Variants in PTPRN2 observed in about 807,000 individuals in gnomAD.
The protein encoded by PTPRN2 is receptor-type tyrosine-protein phosphatase N2.
In PTPRN2, 74 loss-of-function variants were observed where a neutral mutation model predicts 118.8. The observed-to-expected ratio is 0.62, with a 90% CI of 0.52 to 0.76. PTPRN2 has a LOEUF of 0.76. Among genes scored for constraint, PTPRN2 ranks in the 30% least tolerant of loss-of-function variants. The pLI, the probability that PTPRN2 is intolerant of heterozygous loss-of-function variation, is 0.00. For missense variants in PTPRN2, 1,481 were observed against 1,394.4 expected, an observed-to-expected ratio of 1.06 and a Z score of -0.99; for synonymous variants, 641 against 608.0, an observed-to-expected ratio of 1.05 and a Z score of -0.80.
At chr7:158,140,232 G>T (rs114057722) in intron 6 of PTPRN2, among the ~76,000 whole-genome samples, 1 of 152,198 alleles carries the variant, frequency 6.6e-6, no homozygotes, top group Non-Finnish European at 1.5e-5. Context: ...TCCTCACCGC[G>T]TCCAGGAAGT....
rs529134613 is a variant in PTPRN2, at chr7:158,017,292, C to T, written c.1723+64006G>A. Among the ~76,000 whole-genome samples the T allele has an allele frequency of 2.0e-5, 3 of 152,262 alleles. No homozygotes were observed. In the South Asian group the frequency reaches 6.2e-4, roughly 32 times the overall value. On this transcript the variant is annotated intron_variant, in intron 11 of 22. Transcript: ENST00000389418. ...CCAGCTAGGAACATCAAAGAGGCCC[C>T]GCTGGAATCACTAGAGAGAGGCTTC...
chr7:157,584,637 A>G (rs1413808349), intron 17 of PTPRN2, among the ~76,000 whole-genome samples: 1 of 152,230 alleles, frequency 6.6e-6, no homozygotes, highest in African/African-American at 2.4e-5. Context: ...ATTTCTGCTC[A>G]TTTCTGTTGT....
chr7:158,179,328 C>T (rs954396604), intron 5 of PTPRN2, among the ~76,000 whole-genome samples: 1 of 152,016 alleles, frequency 6.6e-6, no homozygotes, highest in African/African-American at 2.4e-5. Flanking sequence ...CTGTTCACGT[C>T]ATTTGTCCAC....
intron 2 of PTPRN2, among the ~76,000 whole-genome samples, chr7:158,489,193 C>T (rs1821250542): frequency 6.6e-6 from 1 of 152,240 alleles, no homozygotes; most frequent in African/African-American, 2.4e-5. Context: ...CGCCTGTAAT[C>T]CCAGCAGTTT....
chr7:158,290,642 C>A (rs2151020702), intron 3 of PTPRN2, among the ~76,000 whole-genome samples: 1 of 152,262 alleles, frequency 6.6e-6, no homozygotes, highest in East Asian at 1.9e-4. Flanking sequence ...GTCTGGTACT[C>A]ACTTCTCTTT....
intron 3 of PTPRN2, among the ~76,000 whole-genome samples, chr7:158,288,203 G>A (rs1220893490): frequency 6.6e-6 from 1 of 152,054 alleles, no homozygotes; most frequent in Non-Finnish European, 1.5e-5. Flanking sequence ...GGAATCTCTT[G>A]TAGGTAGCAT....
rs2116998790 is a variant in PTPRN2 at position 157,548,843 on chromosome 7, G to A, written c.2976+103C>T. ...CCGGTCAGAGCAGAGCAATCGGTGT[G>A]CGGCTCACATTAAACCAGGCCCTCC... On this transcript the variant is annotated intron_variant, in intron 22 of 22. Coordinates refer to ENST00000389418, the MANE Select transcript of PTPRN2 (RefSeq NM_002847.5). 5 of 1,150,664 alleles carry A rather than the reference G, an allele frequency of 4.3e-6. No individual in the cohort carries two copies. In the East Asian group the frequency reaches 1.2e-4, roughly 28 times the overall value. The allele number at this position is 1,150,664 out of a possible 1,614,324, so 71.3% of individuals were successfully genotyped here.
At chr7:158,460,239 T>G (rs1442211747) in intron 2 of PTPRN2, among the ~76,000 whole-genome samples, 8 of 111,758 alleles carry the variant, frequency 7.2e-5, no homozygotes, top group African/African-American at 2.1e-4. Flanking sequence ...CCTGCTACAG[T>G]GCCTGTGTGC....
chr7:157,899,222 CCT>C (rs1797303894), intron 11 of PTPRN2, among the ~76,000 whole-genome samples: 1 of 152,110 alleles, frequency 6.6e-6, no homozygotes, highest in Non-Finnish European at 1.5e-5. Flanking sequence ...TTGTTCATGC[CCT>C]GACAGGAACA....
chr7:157,792,897 C>T (rs11765178), intron 12 of PTPRN2, among the ~76,000 whole-genome samples: 12,122 of 152,226 alleles, frequency 0.08, 657 homozygotes, highest in Non-Finnish European at 0.11. Context: ...AAAGCATGAC[C>T]GGGCGGATCA....
At chr7:158,337,644 C>A (rs764253119) in intron 2 of PTPRN2, among the ~76,000 whole-genome samples, 403 of 148,724 alleles carry the variant, frequency 2.7e-3, no homozygotes, top group Middle Eastern at 3.6e-3. Context: ...GTCATTCACA[C>A]CCACACTCTC....
intron 2 of PTPRN2, among the ~76,000 whole-genome samples, chr7:158,477,657 T>C (rs1820362358): frequency 6.6e-6 from 1 of 152,138 alleles, no homozygotes; most frequent in South Asian, 2.1e-4. Flanking sequence ...TTTTAAAGAA[T>C]GTGCTGAATT....
At chr7:158,045,536 C>T (rs758731138) in intron 11 of PTPRN2, among the ~76,000 whole-genome samples, 6 of 152,140 alleles carry the variant, frequency 3.9e-5, no homozygotes, top group African/African-American at 9.7e-5. Flanking sequence ...TGCCCCAGGA[C>T]GTGGGCGCAG....
chr7:158,374,492 C>T lies in PTPRN2; in HGVS notation c.164-57560G>A, dbSNP rs60181713. On this transcript the variant is annotated intron_variant, in intron 2 of 22. Transcript: ENST00000389418. ...ACACTAGCCCGAGAGAAACAAAACA[C>T]GATCTGTAAAAAGGATTGTACAAGA... Among the ~76,000 whole-genome samples the T allele has an allele frequency of 8.8e-3, 1,342 of 152,140 alleles. 17 individuals are homozygous for T. Among genetic ancestry groups the T allele is most frequent in the African/African-American group, 0.029 (1,213 of 41,512 alleles).
intron 12 of PTPRN2, among the ~76,000 whole-genome samples, chr7:157,799,247 C>T (rs533363189): frequency 6.6e-5 from 10 of 152,196 alleles, no homozygotes; most frequent in East Asian, 3.9e-4. Context: ...CTGAGGGCAA[C>T]GGGCCCTCCC....
At chr7:158,480,056 G>C (rs1348815556) in intron 2 of PTPRN2, among the ~76,000 whole-genome samples, 1 of 152,194 alleles carries the variant, frequency 6.6e-6, no homozygotes, top group Non-Finnish European at 1.5e-5. Context: ...TGAATTCACT[G>C]CTTGATCAAA....
chr7:157,688,020 C>T (rs1797279026), intron 12 of PTPRN2, among the ~76,000 whole-genome samples: 1 of 152,112 alleles, frequency 6.6e-6, no homozygotes, highest in Admixed American at 6.6e-5. Context: ...GGGAGAAGCC[C>T]TTTGTGCAAC....
At position 157,611,210 on chromosome 7, in the gene PTPRN2, G is replaced by A. The variant is rs10251624; in HGVS notation, c.2345-7135C>T. Reference sequence around the variant, plus strand: ...TCTCATGTCTTAAATGGTTTCACTGGCATCCCCCACAGACAGATCTCTCAG... The same window carrying A: ...TCTCATGTCTTAAATGGTTTCACTGACATCCCCCACAGACAGATCTCTCAG... On this transcript the variant is annotated intron_variant, in intron 15 of 22. Transcript: ENST00000389418. This position sits in a 1 kb window ranked among gnomAD's most constrained non-coding sequence, Gnocchi z 5.9. Among the ~76,000 whole-genome samples the A allele has an allele frequency of 0.026, 3,949 of 152,180 alleles. 149 individuals are homozygous for A. Among genetic ancestry groups the A allele is most frequent in the African/African-American group, 0.089 (3,711 of 41,518 alleles).
intron 6 of PTPRN2, among the ~76,000 whole-genome samples, chr7:158,145,922 T>C (rs962476948): frequency 6.6e-6 from 1 of 152,216 alleles, no homozygotes; most frequent in Non-Finnish European, 1.5e-5. Flanking sequence ...AGCTCGCTCA[T>C]TTCTTCATGC....
Sources: allele counts gnomAD v4.1 joint callset (sites outside exome capture counted in the v4.1 genomes callset), GRCh38; gene constraint gnomAD v4.1.1; non-coding constraint Gnocchi (gnomAD v3.1); transcripts MANE v1.5; gene names NCBI Gene and HGNC (gene_info 2026-07-23, HGNC 2026-07-21).